TG: variants seen among roughly 807,000 people sequenced by gnomAD.
TG encodes thyroglobulin, also known as thyroid hormones.
Under a neutral mutation model 324.7 loss-of-function variants are expected in TG, and 270 were observed. That is an observed-to-expected ratio of 0.83 (90% confidence interval 0.75 to 0.92). TG has a LOEUF of 0.92. Among genes scored for constraint, TG ranks in the 40% least tolerant of loss-of-function variants. The pLI is 0.00. For synonymous variants in TG, 1,401 were observed against 1,327.0 expected (o/e 1.06, Z -1.21); for missense variants, 3,591 against 3,456.4 (o/e 1.04, Z -0.98).
At chr8:132,893,186 ATGTGAG>A (rs1816525718) in intron 10 of TG, among the ~76,000 whole-genome samples, 1 of 69,874 alleles carries the variant, frequency 1.4e-5, no homozygotes, top group Non-Finnish European at 2.9e-5. Flanking sequence ...TGTGGTGTGT[ATGTGAG>A]TGTGTGTGGT....
At chr8:132,942,418 A>G (rs1485370822) in intron 26 of TG, among the ~76,000 whole-genome samples, 7 of 152,222 alleles carry the variant, frequency 4.6e-5, no homozygotes, top group Non-Finnish European at 7.3e-5. Flanking sequence ...GTAAGCCACT[A>G]TGTGACTGGT....
intron 26 of TG, among the ~76,000 whole-genome samples, chr8:132,942,263 C>T (rs887910849): frequency 5.3e-5 from 8 of 152,200 alleles, no homozygotes; most frequent in Admixed American, 5.2e-4. Context: ...GATAATGATA[C>T]TTTCTACTGG....
chr8:133,055,124 C>G (rs1355636259), intron 41 of TG, among the ~76,000 whole-genome samples: 2 of 152,128 alleles, frequency 1.3e-5, no homozygotes, highest in African/African-American at 2.4e-5. Context: ...GGCACTTAAT[C>G]TTCAAGCTCT....
intron 45 of TG, among the ~76,000 whole-genome samples, chr8:133,119,638 A>G (rs537005615): frequency 1.1e-4 from 17 of 152,236 alleles, no homozygotes; most frequent in African/African-American, 3.1e-4. Flanking sequence ...GTTACTCCCC[A>G]AAGGCCCTGT....
Position 133,117,943 on chromosome 8 carries a change from A to C in TG, c.7862+1227A>C, listed in dbSNP as rs138369362. Among the ~76,000 whole-genome samples, 881 of 152,250 alleles carry C rather than the reference A, an allele frequency of 5.8e-3. 10 individuals carry two copies. The highest frequency in any genetic ancestry group is 0.019 in the African/African-American group (793 of 41,548). The stretch of plus-strand genomic sequence containing the variant: ...TATCCTTACCTACAAAATAAGACTA[A>C]AGTTTTTCCTCTTAGGGTTGGCATT... On this transcript the variant is annotated intron_variant, in intron 45 of 47. Coordinates refer to ENST00000220616, the MANE Select transcript of TG (RefSeq NM_003235.5).
intron 43 of TG, among the ~76,000 whole-genome samples, chr8:133,108,006 CAG>C (rs1233426713): frequency 2.5e-5 from 2 of 80,418 alleles, no homozygotes; most frequent in African/African-American, 5.7e-5. Context: ...TTTTTTGAGA[CAG>C]AGTCTCACTG....
At chr8:132,921,780 A>G (rs964132979) in intron 21 of TG, among the ~76,000 whole-genome samples, 1 of 152,138 alleles carries the variant, frequency 6.6e-6, no homozygotes, top group Non-Finnish European at 1.5e-5. Flanking sequence ...TTGTTTGTTT[A>G]TTGATGTATT....
At chr8:132,868,672 T>C (rs557379070) in intron 2 of TG, among the ~76,000 whole-genome samples, 2 of 152,304 alleles carry the variant, frequency 1.3e-5, no homozygotes, top group East Asian at 3.9e-4. Context: ...CCACCGACCC[T>C]GCCCGGACTA....
chr8:133,036,421 C>T lies in TG; in HGVS notation c.7239+6398C>T, dbSNP rs997847543. On this transcript the variant is annotated intron_variant, in intron 41 of 47. Transcript: ENST00000220616. ...AAGAAATTCTTGGAAGAACAAATAGCGCAGCTATCACAAGTAACGTGCAGA... is the reference window on the plus strand; with the variant it reads ...AAGAAATTCTTGGAAGAACAAATAGTGCAGCTATCACAAGTAACGTGCAGA... 9.2e-5 allele frequency among the ~76,000 whole-genome samples: 14 copies of T among 152,166 alleles called. No homozygotes were observed. In the South Asian group the frequency reaches 1.0e-3, roughly 11 times the overall value.
chr8:132,908,468 A>G lies in TG; in HGVS notation c.4002+128A>G, dbSNP rs1322285409. The G allele has an allele frequency of 9.1e-5, 59 of 645,334 alleles. 20 individuals are homozygous for G. The highest frequency in any genetic ancestry group is 4.3e-4 in the Middle Eastern group (1 of 2,334). 40.0% of individuals were successfully genotyped at this position (645,334 alleles called of 1,614,324 possible). ...GCCCCATCTTCAAGTGTTTGCTGGA[A>G]CTAATAGTGAATTCTCTTGGCAGCC... On this transcript the variant is annotated intron_variant, in intron 18 of 47. Coordinates refer to ENST00000220616, the MANE Select transcript of TG (RefSeq NM_003235.5).
At position 132,869,643 on chromosome 8, in the gene TG, T is replaced by C. The variant is rs757521611; in HGVS notation, c.177-86T>C. On this transcript the variant is annotated intron_variant, in intron 2 of 47. Transcript: ENST00000220616. The stretch of plus-strand genomic sequence containing the variant: ...GAACCAAAACTTGCAAGAATGGAAA[T>C]GAAGAAGAAAAGTAGCCTGAGTGGG... 1.9e-5 allele frequency: 23 copies of C among 1,184,002 alleles called. 1 individual carries two copies. The South Asian group carries it at 2.1e-4, about 11-fold the overall frequency. 73.3% of individuals were successfully genotyped at this position (1,184,002 alleles called of 1,614,324 possible).
At chr8:133,006,118 C>T (rs550688036) in intron 35 of TG, among the ~76,000 whole-genome samples, 4 of 152,294 alleles carry the variant, frequency 2.6e-5, no homozygotes, top group African/African-American at 4.8e-5. Context: ...AAGGGCAATG[C>T]GTAACACAAA....
chr8:132,991,827 G>T (rs1428947273), intron 35 of TG, among the ~76,000 whole-genome samples: 1 of 152,068 alleles, frequency 6.6e-6, no homozygotes, highest in Non-Finnish European at 1.5e-5. Context: ...AGTATGGTCT[G>T]GGCACAGCCT....
rs1188137448 is a variant in TG, at chr8:132,882,866, C to A, written c.942C>A (p.Pro314=). 6.2e-7 allele frequency: 1 copy of A among 1,614,202 alleles called. No homozygotes were observed. The highest frequency in any genetic ancestry group is 8.5e-7 in the Non-Finnish European group (1 of 1,180,030). The change falls in exon 8 of 48, where the codon CCC becomes CCA. Residue 314 remains proline (P), a synonymous_variant. Transcript: ENST00000220616. ...TTACAGCAACCAGCTTTGGTCACCC[C>A]TATGTTCCAAGCTGCCGCCGAAATG... The part of the protein sequence containing the change: ...ERFTATSFGH[P]YVPSCRRNGD...
intron 41 of TG, among the ~76,000 whole-genome samples, chr8:133,059,407 T>C (rs889301972): frequency 7.2e-5 from 11 of 152,236 alleles, no homozygotes; most frequent in African/African-American, 2.7e-4. Flanking sequence ...GTTCAGCCTT[T>C]TCCCTTTGTT....
intron 45 of TG, among the ~76,000 whole-genome samples, chr8:133,125,469 G>C (rs1240965966): frequency 6.6e-6 from 1 of 152,244 alleles, no homozygotes; most frequent in African/African-American, 2.4e-5. Flanking sequence ...GAAAGGGCTT[G>C]GCATATTTGA....
chr8:132,952,350 A>T (rs1490079109), intron 27 of TG, among the ~76,000 whole-genome samples: 1 of 152,150 alleles, frequency 6.6e-6, no homozygotes, highest in African/African-American at 2.4e-5. Context: ...TAGCTCTGTG[A>T]CCTTATTCAA....
At chr8:133,038,109 T>A (rs2131043940) in intron 41 of TG, 1 of 178,462 alleles carries the variant, frequency 5.6e-6, no homozygotes, top group South Asian at 1.3e-4. Context: ...TTTTGTTTCC[T>A]CTCCCTCTCA....
intron 41 of TG, among the ~76,000 whole-genome samples, chr8:133,086,971 A>G (rs1846660072): frequency 3.3e-5 from 5 of 152,172 alleles, no homozygotes; most frequent in Admixed American, 1.3e-4. Flanking sequence ...AATCTTGTAA[A>G]TAAATAAGTA....
Sources: allele counts gnomAD v4.1 joint callset (sites outside exome capture counted in the v4.1 genomes callset), GRCh38; gene constraint gnomAD v4.1.1; transcripts MANE v1.5; gene names NCBI Gene and HGNC (gene_info 2026-07-23, HGNC 2026-07-21).